Variants in SLC4A7 observed in about 807,000 individuals in gnomAD.
SLC4A7 encodes solute carrier family 4 member 7, also known as sodium bicarbonate cotransporter 3.
A neutral mutation model predicts 137.6 loss-of-function variants in SLC4A7; 51 were observed. The ratio of observed to expected loss-of-function variants is 0.37; its 90% CI spans 0.30 to 0.47. The LOEUF (loss-of-function observed/expected upper bound fraction) is 0.47. SLC4A7 is among the 20% of genes least tolerant of loss of function. SLC4A7 has a pLI of 1.00. For missense variants in SLC4A7, 1,247 were observed against 1,525.4 expected (o/e 0.82, Z 3.04); for synonymous variants, 542 against 518.6 (o/e 1.05, Z -0.61).
At chr3:27,461,579 C>A (rs2058696971) in intron 1 of SLC4A7, among the ~76,000 whole-genome samples, 1 of 136,370 alleles carries the variant, frequency 7.3e-6, no homozygotes, top group Admixed American at 8.0e-5. Flanking sequence ...TGAGACTAGC[C>A]TAGGCAACAC....
At chr3:27,445,136 C>G (rs1305515166) in intron 3 of SLC4A7, among the ~76,000 whole-genome samples, 1 of 152,188 alleles carries the variant, frequency 6.6e-6, no homozygotes, top group Non-Finnish European at 1.5e-5. Context: ...TGTGAAAGTA[C>G]AGAAAGTGCT....
intron 20 of SLC4A7, among the ~76,000 whole-genome samples, chr3:27,393,060 G>A (rs1417107393): frequency 6.6e-6 from 1 of 152,060 alleles, no homozygotes; most frequent in Non-Finnish European, 1.5e-5. Context: ...AGCTGGAGTT[G>A]AAGAAATTTG....
intron 1 of SLC4A7, among the ~76,000 whole-genome samples, chr3:27,459,336 T>C (rs956001221): frequency 2.6e-5 from 4 of 152,154 alleles, no homozygotes; most frequent in Non-Finnish European, 5.9e-5. Context: ...AAACCAATAT[T>C]CCAATAAAAT....
At chr3:27,430,410 C>T (rs922817603) in intron 7 of SLC4A7, among the ~76,000 whole-genome samples, 1 of 148,892 alleles carries the variant, frequency 6.7e-6, no homozygotes, top group African/African-American at 2.5e-5. Context: ...ATCACTTAAG[C>T]CCAGGAGTTC....
chr3:27,393,094 G>A (rs1399853272), intron 20 of SLC4A7, among the ~76,000 whole-genome samples: 1 of 152,028 alleles, frequency 6.6e-6, no homozygotes. Context: ...AGACGAAAAG[G>A]GAAGTAAACA....
intron 1 of SLC4A7, among the ~76,000 whole-genome samples, chr3:27,452,984 TAATC>T (rs1673358373): frequency 6.6e-6 from 1 of 152,068 alleles, no homozygotes; most frequent in African/African-American, 2.4e-5. Flanking sequence ...TTTAACTGAT[TAATC>T]AAGAGCTAAC....
Position 27,400,879 on chromosome 3 carries a change from T to C in SLC4A7, c.2322-10A>G, listed in dbSNP as rs756842249. The C allele has an allele frequency of 5.5e-5, 77 of 1,387,934 alleles. No homozygotes were observed. The East Asian group carries it at 1.2e-3, about 21-fold the overall frequency. 86.0% of individuals were successfully genotyped at this position (1,387,934 alleles called of 1,614,324 possible). Reference sequence around the variant, plus strand: ...TTCAGTACATACACATCTGAGAAATTAGAGTAGGATACATTTTTAAGGATC... The same window carrying C: ...TTCAGTACATACACATCTGAGAAATCAGAGTAGGATACATTTTTAAGGATC... On this transcript the variant is annotated splice_polypyrimidine_tract_variant and intron_variant, in intron 15 of 25. Coordinates refer to ENST00000454389, the MANE Select transcript of SLC4A7 (RefSeq NM_001321103.2).
intron 1 of SLC4A7, among the ~76,000 whole-genome samples, chr3:27,463,037 C>T (rs1576617065): frequency 1.3e-5 from 2 of 152,312 alleles, no homozygotes; most frequent in South Asian, 2.1e-4. Flanking sequence ...GCCTGTAATC[C>T]CAGCACTTTG....
chr3:27,409,115 C>T (rs2053665219), intron 13 of SLC4A7, among the ~76,000 whole-genome samples: 1 of 152,184 alleles, frequency 6.6e-6, no homozygotes, highest in Admixed American at 6.5e-5. Flanking sequence ...TAAAACCATT[C>T]ATCCAGCAAG....
At chr3:27,379,814 T>C (rs559533942) in intron 24 of SLC4A7, among the ~76,000 whole-genome samples, 86 of 152,372 alleles carry the variant, frequency 5.6e-4, no homozygotes, top group African/African-American at 1.9e-3. Context: ...CTTAAGATTA[T>C]GATTTTTAAA....
intron 14 of SLC4A7, 30 bp from the exon 15 acceptor site, chr3:27,403,414 A>G (rs762457599): frequency 1.3e-5 from 19 of 1,496,560 alleles, no homozygotes; most frequent in Non-Finnish European, 1.7e-5. Context: ...TGAATATGAT[A>G]AACATATGTG....
At chr3:27,432,927 C>T (rs1401742556) in intron 6 of SLC4A7, among the ~76,000 whole-genome samples, 1 of 152,078 alleles carries the variant, frequency 6.6e-6, no homozygotes, top group Non-Finnish European at 1.5e-5. Flanking sequence ...TTTTACATTG[C>T]ATTTTGGTCC....
intron 1 of SLC4A7, among the ~76,000 whole-genome samples, chr3:27,472,486 A>C (rs926891154): frequency 1.3e-5 from 2 of 151,934 alleles, no homozygotes; most frequent in Non-Finnish European, 2.9e-5. Flanking sequence ...AAATATATAC[A>C]TATAAATAAA....
In SLC4A7 at chr3:27,484,263, C is replaced by G. The variant is rs945933555; in HGVS notation, c.-137G>C. 1.2e-5 allele frequency: 8 copies of G among 649,556 alleles called. No individual in the cohort carries two copies. The Admixed American group carries it at 1.4e-4, about 11-fold the overall frequency. 40.2% of individuals were successfully genotyped at this position (649,556 alleles called of 1,614,324 possible). On this transcript the variant is annotated 5_prime_UTR_variant, in exon 1 of 26. Transcript: ENST00000454389. ...TGGGTGCGTCCGTGCGCGAGGTGTG[C>G]GCGCGTGGGGAGAGCCGGGCGCCGG...
chr3:27,414,009 G>T (rs71323277), intron 11 of SLC4A7, among the ~76,000 whole-genome samples: 27,697 of 152,224 alleles, frequency 0.18, 2,936 homozygotes, highest in Non-Finnish European at 0.25. Flanking sequence ...GCCAGGCGTG[G>T]TGGCTCACAC....
chr3:27,425,007 A>G (rs560165494), intron 7 of SLC4A7, among the ~76,000 whole-genome samples: 1 of 152,232 alleles, frequency 6.6e-6, no homozygotes, highest in Non-Finnish European at 1.5e-5. Flanking sequence ...AATAATAAAA[A>G]CACAGCTTAA....
chr3:27,439,249 A>T (rs1486111278), intron 3 of SLC4A7, among the ~76,000 whole-genome samples: 2 of 152,204 alleles, frequency 1.3e-5, no homozygotes, highest in African/African-American at 2.4e-5. Context: ...AAGAAAACCA[A>T]AGATTAAGAG....
chr3:27,417,329 A>G (rs1381364963), intron 11 of SLC4A7, among the ~76,000 whole-genome samples: 2 of 152,206 alleles, frequency 1.3e-5, no homozygotes, highest in Non-Finnish European at 2.9e-5. Context: ...CATAACCTCC[A>G]AAGGATCAAT....
intron 1 of SLC4A7, among the ~76,000 whole-genome samples, chr3:27,482,369 A>G (rs900280918): frequency 6.6e-6 from 1 of 152,228 alleles, no homozygotes; most frequent in African/African-American, 2.4e-5. Flanking sequence ...ACTCGAATGC[A>G]CTTTACTGCT....
Sources: gnomAD v4.1 joint callset for allele counts (sites outside exome capture counted in the v4.1 genomes callset) on GRCh38, gnomAD v4.1.1 for gene constraint, MANE v1.5 for transcripts, NCBI Gene and HGNC (gene_info 2026-07-23, HGNC 2026-07-21) for gene names.